The following APBA2 variants were observed in gnomAD, a reference collection of about 807,000 sequenced individuals.
APBA2 encodes the protein amyloid-beta A4 precursor protein-binding family A member 2.
In APBA2, 30 loss-of-function variants were observed where a neutral mutation model predicts 75.0. The observed-to-expected ratio is 0.40, with a 90% CI of 0.30 to 0.54. APBA2 has a LOEUF of 0.54. APBA2 is among the 20% of genes least tolerant of loss of function. The pLI is 0.49. For missense variants in APBA2, 801 were observed against 1,016.1 expected (o/e 0.79, Z 2.88); for synonymous variants, 444 against 409.6 (o/e 1.08, Z -1.01).
At chr15:28,968,581 G>A (rs1012440004) in intron 2 of APBA2, among the ~76,000 whole-genome samples, 1 of 152,154 alleles carries the variant, frequency 6.6e-6, no homozygotes, top group African/African-American at 2.4e-5. Flanking sequence ...AGTGCTCTAT[G>A]TCTGTTCACC....
At chr15:29,109,774 C>G (rs556930517) in intron 13 of APBA2, among the ~76,000 whole-genome samples, 1 of 152,382 alleles carries the variant, frequency 6.6e-6, no homozygotes, top group East Asian at 1.9e-4. Context: ...ACTGAACGCT[C>G]ACTGGATTCC....
intron 3 of APBA2, among the ~76,000 whole-genome samples, chr15:29,041,843 A>G (rs1338919161): frequency 6.6e-6 from 1 of 152,238 alleles, no homozygotes; most frequent in Non-Finnish European, 1.5e-5. Flanking sequence ...AATATTCCTG[A>G]TTACATGCGG....
At chr15:29,075,030 G>C in intron 5 of APBA2, 29 bp downstream of exon 5, 1 of 1,538,588 alleles carries the variant, frequency 6.5e-7, no homozygotes, top group Non-Finnish European at 9.0e-7. Context: ...GAGAGTTCTG[G>C]GCTGGAACAC....
At chr15:29,059,611 T>C (rs2042046146) in intron 4 of APBA2, among the ~76,000 whole-genome samples, 1 of 152,188 alleles carries the variant, frequency 6.6e-6, no homozygotes, top group African/African-American at 2.4e-5. Context: ...ATAAGAAATC[T>C]ATATTAAACA....
intron 1 of APBA2, among the ~76,000 whole-genome samples, chr15:28,892,983 G>A (rs1012624635): frequency 2.0e-5 from 3 of 152,198 alleles, no homozygotes; most frequent in Non-Finnish European, 4.4e-5. Context: ...CATAGTTTCT[G>A]TTTCTCAGTC....
chr15:29,093,017 G>A, intron 6 of APBA2, 58 bp from the exon 7 acceptor site: 4 of 1,609,672 alleles, frequency 2.5e-6, no homozygotes. Flanking sequence ...AGGCATGCAA[G>A]TTCTTTGTTC....
chr15:29,051,418 C>T (rs911766363), intron 3 of APBA2, among the ~76,000 whole-genome samples: 4 of 152,098 alleles, frequency 2.6e-5, no homozygotes, highest in Admixed American at 1.3e-4. Context: ...TGAATTGCTC[C>T]GCATACCAGT....
intron 1 of APBA2, among the ~76,000 whole-genome samples, chr15:28,896,373 G>A (rs1222869615): frequency 3.3e-5 from 5 of 152,096 alleles, no homozygotes; most frequent in Admixed American, 6.6e-5. Flanking sequence ...TCCGCCTCCC[G>A]GGTTCACGCC....
chr15:28,971,416 A>C (rs2037062240), intron 2 of APBA2, among the ~76,000 whole-genome samples: 1 of 152,222 alleles, frequency 6.6e-6, no homozygotes, highest in South Asian at 2.1e-4. Context: ...ACAGGGTTTC[A>C]GGGCCAGGCC....
chr15:29,069,412 T>C (rs942424379), intron 4 of APBA2, among the ~76,000 whole-genome samples: 4 of 152,178 alleles, frequency 2.6e-5, no homozygotes, highest in Admixed American at 1.3e-4. Context: ...TTATTCAGTG[T>C]TTACCGTTTT....
rs1298867160 is a variant in APBA2, at chr15:29,114,823, C to T, written c.2178+807C>T. Among the ~76,000 whole-genome samples the T allele has an allele frequency of 2.1e-5, 3 of 143,286 alleles. 1 individual carries two copies. Among genetic ancestry groups the T allele is most frequent in the Non-Finnish European group, 4.6e-5 (3 of 65,854 alleles). 94.0% of individuals were successfully genotyped at this position (143,286 alleles called of 152,430 possible). A position where few individuals can be genotyped will look rare whatever the true frequency, so the allele number is the denominator to read the frequency against. On this transcript the variant is annotated intron_variant, in intron 14 of 14. Coordinates refer to ENST00000683413, the MANE Select transcript of APBA2 (RefSeq NM_001353788.2). Reference sequence around the variant, plus strand: ...GTGTGGGTGAGTGTATGCGGATGTACGTGTGTGTGTGAGAGCATGGGGTGT... The same window carrying T: ...GTGTGGGTGAGTGTATGCGGATGTATGTGTGTGTGTGAGAGCATGGGGTGT...
intron 2 of APBA2, among the ~76,000 whole-genome samples, chr15:28,976,772 A>C (rs1335139905): frequency 6.6e-6 from 1 of 152,212 alleles, no homozygotes; most frequent in Admixed American, 6.5e-5. Context: ...AGTTTGGCCT[A>C]TAATTTACCT....
chr15:28,936,067 C>T (rs1228119254), intron 2 of APBA2, among the ~76,000 whole-genome samples: 1 of 152,118 alleles, frequency 6.6e-6, no homozygotes, highest in Non-Finnish European at 1.5e-5. Context: ...ATTTTTCTTT[C>T]TCCTGAGAGG....
intron 1 of APBA2, among the ~76,000 whole-genome samples, chr15:28,899,151 C>G (rs1356607356): frequency 6.6e-6 from 1 of 152,196 alleles, no homozygotes; most frequent in African/African-American, 2.4e-5. Flanking sequence ...AGCCCCATGT[C>G]CTCGCAGCCC....
At chr15:29,107,682 T>C (rs1432760044) in intron 12 of APBA2, among the ~76,000 whole-genome samples, 2 of 152,000 alleles carry the variant, frequency 1.3e-5, no homozygotes, top group Non-Finnish European at 2.9e-5. Flanking sequence ...AGGCCCCCCC[T>C]CCCAGGGCTG....
chr15:28,887,669 G>C (rs2031839564), intron 1 of APBA2, among the ~76,000 whole-genome samples: 1 of 152,170 alleles, frequency 6.6e-6, no homozygotes, highest in Non-Finnish European at 1.5e-5. Context: ...GGATCTGCCA[G>C]GCAGGAGGGC....
chr15:28,966,567 ATGT>A (rs900003285), intron 2 of APBA2, among the ~76,000 whole-genome samples: 5 of 151,898 alleles, frequency 3.3e-5, no homozygotes, highest in African/African-American at 1.2e-4. Context: ...CAGTCTACCC[ATGT>A]TGTTATGTTT....
At chr15:28,886,936 A>G (rs1319554053) in intron 1 of APBA2, among the ~76,000 whole-genome samples, 3 of 152,136 alleles carry the variant, frequency 2.0e-5, no homozygotes, top group Admixed American at 2.0e-4. Flanking sequence ...CTGGCTGCAG[A>G]TGGTGAAGGA....
chr15:28,937,450 G>A (rs189895791), intron 2 of APBA2, among the ~76,000 whole-genome samples: 1 of 152,238 alleles, frequency 6.6e-6, no homozygotes, highest in East Asian at 1.9e-4. Flanking sequence ...ATCGCTGGCA[G>A]GTCAGGTGGA....
Sources: gnomAD v4.1 joint callset for allele counts (sites outside exome capture counted in the v4.1 genomes callset) on GRCh38, gnomAD v4.1.1 for gene constraint, MANE v1.5 for transcripts, NCBI Gene and HGNC (gene_info 2026-07-23, HGNC 2026-07-21) for gene names.